JAZF1: variants seen among roughly 807,000 people sequenced by gnomAD.
The protein encoded by JAZF1 is juxtaposed with another zinc finger protein 1.
Under a neutral mutation model 26.4 loss-of-function variants are expected in JAZF1, and 8 were observed. That is an observed-to-expected ratio of 0.30 (90% CI 0.18 to 0.55). JAZF1 has a LOEUF of 0.55. JAZF1 is among the 20% of genes least tolerant of loss of function. The pLI is 0.94. For synonymous variants in JAZF1, 126 were observed against 122.3 expected (o/e 1.03, Z -0.20); for missense variants, 199 against 322.0 (o/e 0.62, Z 2.92).
At chr7:28,159,474 G>A (rs569887303) in intron 1 of JAZF1, among the ~76,000 whole-genome samples, 6 of 152,100 alleles carry the variant, frequency 3.9e-5, no homozygotes, top group South Asian at 2.1e-4. Context: ...AGAGGAAGGC[G>A]GGAGGTGGGA....
intron 1 of JAZF1, among the ~76,000 whole-genome samples, chr7:28,040,139 C>T (rs1002099559): frequency 1.3e-5 from 2 of 152,104 alleles, no homozygotes; most frequent in South Asian, 2.1e-4. Flanking sequence ...AAAAACCTTA[C>T]GTTTATTAAA....
chr7:27,986,940 G>A (rs1168166142), intron 2 of JAZF1, among the ~76,000 whole-genome samples: 1 of 152,178 alleles, frequency 6.6e-6, no homozygotes, highest in African/African-American at 2.4e-5. Flanking sequence ...TGCAGACGGA[G>A]TCTCGATCAC....
intron 2 of JAZF1, among the ~76,000 whole-genome samples, chr7:27,899,001 A>T (rs1303720539): frequency 6.6e-6 from 1 of 152,050 alleles, no homozygotes; most frequent in African/African-American, 2.4e-5. Context: ...TGCCACACAA[A>T]CGCTGTGGGA....
At chr7:27,912,113 CA>C (rs34240406) in intron 2 of JAZF1, among the ~76,000 whole-genome samples, 36,746 of 152,004 alleles carry the variant, frequency 0.24, 4,895 homozygotes, top group Non-Finnish European at 0.3. Context: ...GGCTTTTATG[CA>C]ATAAGTAGCT....
intron 1 of JAZF1, among the ~76,000 whole-genome samples, chr7:28,023,935 G>T (rs1206655112): frequency 2.6e-5 from 4 of 152,122 alleles, no homozygotes; most frequent in African/African-American, 7.2e-5. Context: ...AAGCTTCTTA[G>T]AATAGATAAC....
intron 2 of JAZF1, among the ~76,000 whole-genome samples, chr7:27,964,765 G>A (rs1157308580): frequency 6.6e-6 from 1 of 151,708 alleles, no homozygotes; most frequent in Non-Finnish European, 1.5e-5. Flanking sequence ...TCTTACCAAA[G>A]GCTAGTTGGG....
At chr7:27,894,640 G>C (rs1277039409) in intron 3 of JAZF1, among the ~76,000 whole-genome samples, 1 of 152,092 alleles carries the variant, frequency 6.6e-6, no homozygotes, top group African/African-American at 2.4e-5. Context: ...AAAATAAAAT[G>C]GATTACTTGA....
chr7:28,044,012 G>A (rs948054652), intron 1 of JAZF1, among the ~76,000 whole-genome samples: 18 of 152,192 alleles, frequency 1.2e-4, no homozygotes, highest in African/African-American at 2.6e-4. Context: ...TGCTTAATGG[G>A]TTTGAGGTTT....
chr7:28,122,775 C>T (rs1782625915), intron 1 of JAZF1, among the ~76,000 whole-genome samples: 1 of 152,052 alleles, frequency 6.6e-6, no homozygotes, highest in African/African-American at 2.4e-5. Flanking sequence ...TGTAATGAGC[C>T]CCTCCATAGT....
Position 27,873,069 on chromosome 7 carries a change from CTA to C in JAZF1, c.385+22149_385+22150del, listed in dbSNP as rs1783613576. Among the ~76,000 whole-genome samples, 4 of 152,270 alleles carry C rather than the reference CTA, an allele frequency of 2.6e-5. No individual in the cohort carries two copies. The South Asian group carries it at 8.3e-4, about 32-fold the overall frequency. On this transcript the variant is annotated intron_variant, in intron 3 of 4. Coordinates refer to ENST00000283928, the MANE Select transcript of JAZF1 (RefSeq NM_175061.4). ...TTATATTAAGCGACGGGGTAGGTTT[CTA>C]TCAACTGGGAGGGATTTGTGCGTTA...
chr7:28,025,983 T>C (rs757292852), intron 1 of JAZF1, among the ~76,000 whole-genome samples: 14 of 152,174 alleles, frequency 9.2e-5, no homozygotes, highest in African/African-American at 2.9e-4. Flanking sequence ...GTCCAAACTA[T>C]TGGGACACAG....
intron 1 of JAZF1, among the ~76,000 whole-genome samples, chr7:28,092,290 C>CAAAGGCAAAAAAAAAAAAAAAAAAA (rs1784311266): frequency 7.8e-5 from 1 of 12,786 alleles, no homozygotes; most frequent in South Asian, 4.0e-3. Context: ...GGACAAAAGG[C>CAAAGGCAAAAAAAAAAAAAAAAAAA]AAAAAAAAAA....
intron 1 of JAZF1, among the ~76,000 whole-genome samples, chr7:28,008,494 C>T (rs912339576): frequency 1.3e-5 from 2 of 152,202 alleles, no homozygotes; most frequent in Non-Finnish European, 2.9e-5. Context: ...ATTCTAAGGT[C>T]CTACCCCAGC....
intron 1 of JAZF1, among the ~76,000 whole-genome samples, chr7:28,046,689 T>C (rs945734702): frequency 2.0e-5 from 3 of 152,236 alleles, no homozygotes; most frequent in Admixed American, 6.5e-5. Flanking sequence ...TTTGGCAATC[T>C]GATACATGAA....
At chr7:28,109,357 C>G (rs1210980952) in intron 1 of JAZF1, among the ~76,000 whole-genome samples, 1 of 152,022 alleles carries the variant, frequency 6.6e-6, no homozygotes, top group Non-Finnish European at 1.5e-5. Context: ...TCAGTGATAC[C>G]TCAATAAAGC....
At chr7:27,850,216 T>C (rs938740238) in intron 3 of JAZF1, among the ~76,000 whole-genome samples, 1 of 152,202 alleles carries the variant, frequency 6.6e-6, no homozygotes, top group Admixed American at 6.5e-5. Flanking sequence ...TTAGCTTTAA[T>C]TGGTACTGAC....
chr7:27,833,379 A>G (rs1583420720), intron 4 of JAZF1, among the ~76,000 whole-genome samples: 1 of 152,226 alleles, frequency 6.6e-6, no homozygotes, highest in East Asian at 1.9e-4. Flanking sequence ...CTAAAGAAAA[A>G]CATCAGGGCA....
At chr7:27,893,169 C>T (rs1784001416) in intron 3 of JAZF1, among the ~76,000 whole-genome samples, 1 of 152,116 alleles carries the variant, frequency 6.6e-6, no homozygotes, top group Non-Finnish European at 1.5e-5. Context: ...ATTAAAGCCC[C>T]GAATTAAAGA....
intron 3 of JAZF1, among the ~76,000 whole-genome samples, chr7:27,862,390 T>C (rs1783399828): frequency 6.7e-6 from 1 of 150,176 alleles, no homozygotes; most frequent in Admixed American, 6.6e-5. Context: ...CAGTGTCTAC[T>C]GCTGCCGTCT....
Sources: allele counts gnomAD v4.1 joint callset (sites outside exome capture counted in the v4.1 genomes callset), GRCh38; gene constraint gnomAD v4.1.1; transcripts MANE v1.5; gene names NCBI Gene and HGNC (gene_info 2026-07-23, HGNC 2026-07-21).